The following OSBP variants were observed in gnomAD, a reference collection of about 807,000 sequenced individuals.
OSBP encodes the protein oxysterol-binding protein 1.
Under a neutral mutation model 96.6 loss-of-function variants are expected in OSBP, and 32 were observed. The ratio of observed to expected loss-of-function variants is 0.33; its 90% confidence interval spans 0.25 to 0.45. The LOEUF (loss-of-function observed/expected upper bound fraction) is 0.45. Ranked by LOEUF, OSBP falls within the 20% of genes least tolerant of loss-of-function variation. The pLI is 1.00. For missense variants in OSBP, 653 were observed against 1,029.7 expected, an observed-to-expected ratio of 0.63 and a Z score of 5.01; for synonymous variants, 369 against 389.6, an observed-to-expected ratio of 0.95 and a Z score of 0.62.
At chr11:59,581,699 T>G in intron 9 of OSBP, 145 bp from the exon 10 acceptor site, 1 of 521,054 alleles carries the variant, frequency 1.9e-6, no homozygotes, top group Non-Finnish European at 3.5e-6. Flanking sequence ...GACTTACACT[T>G]TCTTAAATGT....
At chr11:59,590,905 A>T (rs975633753) in intron 9 of OSBP, among the ~76,000 whole-genome samples, 1 of 152,220 alleles carries the variant, frequency 6.6e-6, no homozygotes, top group Non-Finnish European at 1.5e-5. Flanking sequence ...TTAGATTTCT[A>T]TATTCAGCTT....
At chr11:59,611,752 G>T (rs1860851594) in intron 1 of OSBP, among the ~76,000 whole-genome samples, 1 of 152,162 alleles carries the variant, frequency 6.6e-6, no homozygotes, top group African/African-American at 2.4e-5. Flanking sequence ...AGAGAACTGG[G>T]TGTAAAAATT....
chr11:59,600,486 A>G lies in OSBP; in HGVS notation c.1311+10T>C. 6.2e-7 allele frequency: 1 copy of G among 1,613,602 alleles called. No homozygotes were observed. Among genetic ancestry groups the G allele is most frequent in the East Asian group, 2.2e-5 (1 of 44,870 alleles). ...CTCCTGGCAGCAGCTCCAGTGTGCA[A>G]GAACCTTACCGGCATGGGGATCTTA... On this transcript the variant is annotated intron_variant, in intron 7 of 13. Coordinates refer to ENST00000263847, the MANE Select transcript of OSBP (RefSeq NM_002556.3).
rs1860361660 is a variant in OSBP at position 59,576,368 on chromosome 11, C to T, written c.*209G>A. On this transcript the variant is annotated 3_prime_UTR_variant, in exon 14 of 14. Transcript: ENST00000263847. ...CCTCTCCCTTACAGACATAGTATCT[C>T]CTATGTCGATTTCAGTTTCAATCAG... is the stretch of plus-strand genomic sequence containing the variant. 1 of 579,354 alleles carries T rather than the reference C, an allele frequency of 1.7e-6. No homozygotes were observed. Among genetic ancestry groups the T allele is most frequent in the South Asian group, 2.3e-5 (1 of 44,172 alleles). 35.9% of individuals were successfully genotyped at this position (579,354 alleles called of 1,614,324 possible). A position where few individuals can be genotyped will look rare whatever the true frequency, so the allele number is the denominator to read the frequency against.
chr11:59,601,277 A>T lies in OSBP; in HGVS notation c.1124+6T>A, dbSNP rs1458042407. The T allele has an allele frequency of 6.6e-7, 1 of 1,523,372 alleles. No homozygotes were observed. Among genetic ancestry groups the T allele is most frequent in the Non-Finnish European group, 9.1e-7 (1 of 1,097,662 alleles). The allele number at this position is 1,523,372 out of a possible 1,614,324, so 94.4% of individuals were successfully genotyped here. The stretch of plus-strand genomic sequence containing the variant: ...TTATTTGCTTCAACAATCAAGGATA[A>T]CTCACTTGTGGCCCAAATTTTCAGG... On this transcript the variant is annotated splice_donor_region_variant and intron_variant, in intron 5 of 13. Transcript: ENST00000263847.
chr11:59,601,202 T>G (rs1406563503), intron 5 of OSBP, 81 bp downstream of exon 5: 2 of 810,174 alleles, frequency 2.5e-6, no homozygotes, highest in East Asian at 5.0e-5. Context: ...AACCTTTTGA[T>G]GGTTAAAATA....
intron 12 of OSBP, 102 bp downstream of exon 12, chr11:59,578,047 T>A: frequency 9.3e-7 from 1 of 1,072,380 alleles, no homozygotes; most frequent in Non-Finnish European, 1.4e-6. Context: ...CCTTGCTCAA[T>A]TCCCCACATA....
intron 2 of OSBP, among the ~76,000 whole-genome samples, chr11:59,609,454 T>A (rs1860818930): frequency 6.6e-6 from 1 of 151,588 alleles, no homozygotes. Flanking sequence ...GTCACTTCCT[T>A]TGGAGGAGCT....
intron 1 of OSBP, among the ~76,000 whole-genome samples, chr11:59,611,245 T>C (rs1445241538): frequency 1.3e-5 from 2 of 151,712 alleles, no homozygotes; most frequent in African/African-American, 4.8e-5. Context: ...ACTGAATGAG[T>C]TTTGACAAAT....
rs1304083176 is a variant in OSBP at position 59,576,972 on chromosome 11, G to A, written c.2114C>T (p.Ala705Val). 6.2e-7 allele frequency: 1 copy of A among 1,614,200 alleles called. No homozygotes were observed. The highest frequency in any genetic ancestry group is 8.5e-7 in the Non-Finnish European group (1 of 1,180,022). The change falls in exon 13 of 14, where the codon GCT becomes GTT. Residue 705 changes from alanine (A) to valine (V), a missense_variant. Ala to Val is a moderately conservative substitution (Grantham distance 64, BLOSUM62 0). Transcript: ENST00000263847. ...TGTGGGGGCAGTGCCACTTTCCCAA[G>A]CATTGAGAGTCAGAGCAAGCTCTGA... The part of the protein sequence containing the change: ...YFSELALTLN[A>V]WESGTAPTDS...
intron 9 of OSBP, among the ~76,000 whole-genome samples, chr11:59,592,681 G>A (rs1860600045): frequency 6.6e-6 from 1 of 152,104 alleles, no homozygotes; most frequent in Admixed American, 6.5e-5. Context: ...TTGAATAACT[G>A]GATTTCTTCT....
intron 9 of OSBP, among the ~76,000 whole-genome samples, chr11:59,585,393 C>T (rs1860486519): frequency 2.0e-5 from 3 of 147,790 alleles, no homozygotes; most frequent in Non-Finnish European, 4.5e-5. Context: ...GGAGACCTCG[C>T]CCGGCAACCA....
chr11:59,594,037 C>G lies in OSBP; in HGVS notation c.1530G>C (p.Glu510Asp). The G allele has an allele frequency of 6.2e-7, 1 of 1,614,094 alleles. No homozygotes were observed. Among genetic ancestry groups the G allele is most frequent in the South Asian group, 1.1e-5 (1 of 91,068 alleles). Residue 510 changes from glutamate to aspartate, a missense_variant, in exon 8 of 14, where the codon GAG becomes GAC. Physicochemically the swap from Glu to Asp is conservative, Grantham distance 45. Transcript: ENST00000263847. ...GTTCACAGAGGGATCGGTACCCATT[C>G]TCCTCTAATCGGTCCAGCTCAAAGG... ...GETFELDRLE[E>D]NGYRSLCEQV...
intron 7 of OSBP, among the ~76,000 whole-genome samples, chr11:59,595,794 A>G (rs933395912): frequency 4.6e-5 from 7 of 151,320 alleles, no homozygotes; most frequent in Non-Finnish European, 1.0e-4. Flanking sequence ...AAACACAAAA[A>G]TTAGCACGGT....
Position 59,594,000 on chromosome 11 carries a change from G to A in OSBP, c.1557+10C>T, listed in dbSNP as rs75820709. 4.2e-3 allele frequency: 6,839 copies of A among 1,613,278 alleles called. 254 individuals carry two copies. The African/African-American group carries it at 0.081, about 19-fold the overall frequency. On this transcript the variant is annotated intron_variant, in intron 8 of 13. Transcript: ENST00000263847. ...AAAGGAAATGCGTTATGGTTCTGAG[G>A]TTCCTTTACCTGTTCACAGAGGGAT...
rs1316562453 is a variant in OSBP, at chr11:59,577,015, C to A, written c.2071G>T (p.Glu691Ter). Residue 691 changes from glutamate (E) to a stop codon, truncating the protein, a stop_gained, in exon 13 of 14, where the codon GAA becomes TAA. Coordinates refer to ENST00000263847, the MANE Select transcript of OSBP (RefSeq NM_002556.3). LOFTEE classifies it high-confidence loss of function. ...WKRNPLPKNAENMYYFSELAL... is the reference protein window; with the variant it reads ...WKRNPLPKNA ...AGCTCTGAGAAGTAGTACATGTTTT[C>A]TGCATTCTTCCTAAAAGTAGAAGAC... 6.2e-7 allele frequency: 1 copy of A among 1,611,646 alleles called. No homozygotes were observed.
chr11:59,581,629 G>A, intron 9 of OSBP, 75 bp from the exon 10 acceptor site: 3 of 696,890 alleles, frequency 4.3e-6, no homozygotes, highest in Non-Finnish European at 5.3e-6. Context: ...AAACAGTAAT[G>A]GATTAATTTC....
chr11:59,591,754 G>A (rs1350019854), intron 9 of OSBP, among the ~76,000 whole-genome samples: 3 of 151,784 alleles, frequency 2.0e-5, no homozygotes, highest in Non-Finnish European at 4.4e-5. Flanking sequence ...CTGAGTAGCT[G>A]GGATTACAGG....
At chr11:59,610,285 G>C (rs1464996989) in intron 2 of OSBP, 96 bp downstream of exon 2, 3 of 1,025,520 alleles carry the variant, frequency 2.9e-6, no homozygotes, top group Non-Finnish European at 4.6e-6. Flanking sequence ...GGAAATAGGT[G>C]ATAATCAAAT....
Sources: gnomAD v4.1 joint callset for allele counts (sites outside exome capture counted in the v4.1 genomes callset) on GRCh38, gnomAD v4.1.1 for gene constraint, MANE v1.5 for transcripts, NCBI Gene and HGNC (gene_info 2026-07-23, HGNC 2026-07-21) for gene names.